Variants in DUS2 observed in about 807,000 individuals in gnomAD.
DUS2 encodes the protein tRNA-dihydrouridine(20) synthase [NAD(P)+]-like.
In DUS2, 52 loss-of-function variants were observed where a neutral mutation model predicts 71.3. The ratio of observed to expected loss-of-function variants is 0.73; its 90% CI spans 0.58 to 0.92. DUS2 has a LOEUF of 0.92. DUS2 is among the 40% of genes least tolerant of loss of function. The pLI is 0.00. For missense variants in DUS2, 558 were observed against 622.6 expected, an observed-to-expected ratio of 0.90 and a Z score of 1.10; for synonymous variants, 204 against 227.8, an observed-to-expected ratio of 0.90 and a Z score of 0.94.
At chr16:68,046,382 ATT>A (rs887057208) in intron 3 of DUS2, among the ~76,000 whole-genome samples, 2 of 142,832 alleles carry the variant, frequency 1.4e-5, no homozygotes, top group Non-Finnish European at 1.5e-5. Context: ...GATTTCATTC[ATT>A]TTTTTTTTTT....
chr16:68,078,714 C>G, intron 16 of DUS2, 35 bp from the exon 17 acceptor site: 1 of 1,580,522 alleles, frequency 6.3e-7, no homozygotes, highest in South Asian at 1.1e-5. Flanking sequence ...AGCCCTGCAC[C>G]CTGCCCCTCA....
intron 2 of DUS2, among the ~76,000 whole-genome samples, chr16:68,035,306 G>A (rs776192003): frequency 6.6e-6 from 1 of 152,018 alleles, no homozygotes; most frequent in African/African-American, 2.4e-5. Context: ...AATTCTCAGC[G>A]TATCCTACAA....
chr16:68,075,005 G>T (rs1450895811), intron 13 of DUS2, among the ~76,000 whole-genome samples: 1 of 152,180 alleles, frequency 6.6e-6, no homozygotes, highest in African/African-American at 2.4e-5. Context: ...CCTCCCATGG[G>T]CCCATGTGCT....
chr16:68,023,651 A>C, intron 1 of DUS2: 1 of 179,256 alleles, frequency 5.6e-6, no homozygotes, highest in Non-Finnish European at 1.3e-5. Flanking sequence ...GTTTGAATGA[A>C]TGATCAGGCC....
intron 4 of DUS2, 34 bp from the exon 5 acceptor site, chr16:68,053,530 T>C (rs1315524984): frequency 1.9e-6 from 3 of 1,609,088 alleles, no homozygotes; most frequent in Non-Finnish European, 2.6e-6. Context: ...TGCATCTTCA[T>C]TGAGTGACCC....
intron 8 of DUS2, among the ~76,000 whole-genome samples, chr16:68,065,359 A>T (rs79375669): frequency 0.12 from 17,826 of 148,906 alleles, 1,182 homozygotes; most frequent in South Asian, 0.2. Flanking sequence ...CCCAGGAAAG[A>T]AGCTGTCTGC....
rs2151428138 is a variant in DUS2, at chr16:68,078,824, G to C, written c.1320G>C (p.Arg440=). Reference sequence around the variant, plus strand: ...GGAGCCAGGGCCTCCCTGAGGGTCGGCTGGGTGAGGAGAGCCCTTCCTTGC... The same window carrying C: ...GGAGCCAGGGCCTCCCTGAGGGTCGCCTGGGTGAGGAGAGCCCTTCCTTGC... The part of the protein sequence containing the change: ...CLRSQGLPEG[R]LGEESPSLHK... The change falls in exon 17 of 17, where the codon CGG becomes CGC. Residue 440 remains arginine, a synonymous_variant. Coordinates refer to ENST00000565263, the MANE Select transcript of DUS2 (RefSeq NM_017803.5). The C allele has an allele frequency of 1.2e-6, 2 of 1,613,456 alleles. No homozygotes were observed. The highest frequency in any genetic ancestry group is 4.5e-5 in the East Asian group (2 of 44,870).
chr16:68,041,021 A>G (rs577592497), intron 3 of DUS2, among the ~76,000 whole-genome samples: 1 of 152,260 alleles, frequency 6.6e-6, no homozygotes, highest in East Asian at 1.9e-4. Flanking sequence ...ACCTGAGGTC[A>G]GGAGTTCAAG....
At chr16:68,026,054 C>T (rs1022161074) in intron 2 of DUS2, among the ~76,000 whole-genome samples, 2 of 152,100 alleles carry the variant, frequency 1.3e-5, no homozygotes, top group African/African-American at 2.4e-5. Context: ...TCAGTGGTGC[C>T]ATCTCGACTC....
chr16:68,061,934 T>C (rs559090781), intron 8 of DUS2, among the ~76,000 whole-genome samples: 11 of 152,320 alleles, frequency 7.2e-5, no homozygotes, highest in African/African-American at 2.6e-4. Context: ...GGAAGACCAC[T>C]GTGCTTGCTG....
intron 16 of DUS2, 89 bp from the exon 17 acceptor site, chr16:68,078,660 A>T: frequency 6.7e-7 from 1 of 1,501,870 alleles, no homozygotes; most frequent in South Asian, 1.2e-5. Context: ...CCCCTTACTC[A>T]GTCTTGTCAG....
intron 2 of DUS2, among the ~76,000 whole-genome samples, chr16:68,029,179 T>C (rs1418637081): frequency 6.6e-6 from 1 of 151,196 alleles, no homozygotes; most frequent in Non-Finnish European, 1.5e-5. Context: ...CACTCCAGCC[T>C]GGGCAACACA....
chr16:68,065,372 C>T (rs2033991308), intron 8 of DUS2, among the ~76,000 whole-genome samples: 1 of 150,332 alleles, frequency 6.7e-6, no homozygotes, highest in Non-Finnish European at 1.5e-5. Flanking sequence ...CTGTCTGCCC[C>T]CCCGCTTTTT....
Position 68,066,449 on chromosome 16 carries a change from G to A in DUS2, c.483+67G>A, listed in dbSNP as rs73604372. 1,495 of 1,590,844 alleles carry A rather than the reference G, an allele frequency of 9.4e-4. 14 individuals are homozygous for A. The African/African-American group carries it at 0.018, about 19-fold the overall frequency. On this transcript the variant is annotated intron_variant, in intron 9 of 16. Transcript: ENST00000565263. ...TGATGTTGGATTTAGGTTTGTGAAC[G>A]ATTCTTGAGGTGCTAAATTAGGCTT...
At chr16:68,031,601 CAAAT>C (rs966126102) in intron 2 of DUS2, among the ~76,000 whole-genome samples, 2 of 152,060 alleles carry the variant, frequency 1.3e-5, no homozygotes, top group African/African-American at 4.8e-5. Flanking sequence ...CTCTCATTCT[CAAAT>C]AAACTCAACA....
intron 7 of DUS2, among the ~76,000 whole-genome samples, chr16:68,058,599 A>G (rs1336503161): frequency 6.6e-6 from 1 of 152,146 alleles, no homozygotes; most frequent in Non-Finnish European, 1.5e-5. Context: ...ATCTGGAGGC[A>G]GGGTAAGGTG....
chr16:68,078,154 T>G, intron 15 of DUS2: 1 of 413,682 alleles, frequency 2.4e-6, no homozygotes, highest in Non-Finnish European at 4.4e-6. Flanking sequence ...GACTCCTCAT[T>G]TTGGGGACCT....
intron 5 of DUS2, 81 bp downstream of exon 5, chr16:68,053,736 G>T: frequency 1.4e-6 from 2 of 1,428,212 alleles, no homozygotes; most frequent in Non-Finnish European, 2.0e-6. Context: ...TGCCAGGCCA[G>T]TGTTGAATAC....
intron 4 of DUS2, among the ~76,000 whole-genome samples, chr16:68,051,178 T>C (rs1216687498): frequency 6.6e-6 from 1 of 152,238 alleles, no homozygotes; most frequent in African/African-American, 2.4e-5. Context: ...GTAGCACCTA[T>C]TGTGGAGCTT....
Sources: allele counts gnomAD v4.1 joint callset (sites outside exome capture counted in the v4.1 genomes callset), GRCh38; gene constraint gnomAD v4.1.1; transcripts MANE v1.5; gene names NCBI Gene and HGNC (gene_info 2026-07-23, HGNC 2026-07-21).